FAT3: variants seen among roughly 807,000 people sequenced by gnomAD.
FAT3 encodes the protein protocadherin Fat 3.
FAT3 carries 95 observed loss-of-function variants against 310.2 expected under a neutral mutation model. The observed-to-expected ratio is 0.31, with a 90% CI of 0.26 to 0.36. The LOEUF is 0.36. Among genes scored for constraint, FAT3 ranks in the 10% least tolerant of loss-of-function variants. The pLI, the probability that FAT3 is intolerant of heterozygous loss-of-function variation, is 1.00. For synonymous variants in FAT3, 2,314 were observed against 2,192.9 expected (o/e 1.06, Z -1.54); for missense variants, 5,408 against 5,715.6 (o/e 0.95, Z 1.74).
chr11:92,544,214 T>A (rs1015131357), intron 3 of FAT3, among the ~76,000 whole-genome samples: 1 of 152,208 alleles, frequency 6.6e-6, no homozygotes, highest in Non-Finnish European at 1.5e-5. Flanking sequence ...GAAGCTGATA[T>A]CTTTTCAGAG....
intron 7 of FAT3, among the ~76,000 whole-genome samples, chr11:92,779,879 T>C (rs1408320582): frequency 6.6e-6 from 1 of 152,132 alleles, no homozygotes; most frequent in East Asian, 1.9e-4. Flanking sequence ...TCATTTCTAA[T>C]TTGAATATGA....
At chr11:92,239,952 C>A (rs958642182) in intron 1 of FAT3, among the ~76,000 whole-genome samples, 5 of 152,030 alleles carry the variant, frequency 3.3e-5, no homozygotes, top group African/African-American at 7.2e-5. Flanking sequence ...ATTTCATTGC[C>A]TGAAGTAGAT....
chr11:92,880,688 T>TA lies in FAT3; in HGVS notation c.12128-42dup, dbSNP rs547327586. ...ATAGCTGAGTCCAAGCACTCAGCCC[T>TA]AGCAGTGGCATCCATGGCTCATGAG... On this transcript the variant is annotated intron_variant, in intron 22 of 27. Transcript: ENST00000525166. 176 of 1,595,124 alleles carry TA rather than the reference T, an allele frequency of 1.1e-4. No individual in the cohort carries two copies. The African/African-American group carries it at 2.0e-3, about 19-fold the overall frequency.
chr11:92,882,646 C>T (rs1949698687), intron 23 of FAT3, 92 bp from the exon 24 acceptor site: 2 of 1,041,504 alleles, frequency 1.9e-6, no homozygotes, highest in Non-Finnish European at 2.5e-6. Context: ...GCATCGTTTT[C>T]TTTTAAAGAT....
intron 1 of FAT3, among the ~76,000 whole-genome samples, chr11:92,316,364 TG>T (rs1238547363): frequency 6.6e-6 from 1 of 152,190 alleles, no homozygotes; most frequent in African/African-American, 2.4e-5. Flanking sequence ...GTATAACTGT[TG>T]GTTGTTGAAG....
chr11:92,767,776 A>G (rs747250537), intron 6 of FAT3, among the ~76,000 whole-genome samples: 2 of 152,040 alleles, frequency 1.3e-5, no homozygotes, highest in African/African-American at 2.4e-5. Flanking sequence ...GTTAAGGCCC[A>G]TGTGTCCTCA....
In FAT3 at chr11:92,844,082, A is replaced by G; in HGVS notation, c.10715A>G (p.Lys3572Arg). 6.2e-7 allele frequency: 1 copy of G among 1,614,032 alleles called. No homozygotes were observed. Among genetic ancestry groups the G allele is most frequent in the Non-Finnish European group, 8.5e-7 (1 of 1,179,904 alleles). The change falls in exon 19 of 28, where the codon AAG (lysine) becomes AGG (arginine). Residue 3572 changes from lysine to arginine, a missense_variant. This residue lies in a region of FAT3 where 4,588 missense variants were observed against 4,809.8 expected (regional missense o/e 0.95). Coordinates refer to ENST00000525166, the MANE Select transcript of FAT3 (RefSeq NM_001367949.2). The stretch of plus-strand genomic sequence containing the variant: ...GACTTTCCTGGTGGGGTCATTGGGA[A>G]GATTCATGCCACAGATCAAGACATG... ...EDDFPGGVIG[K>R]IHATDQDMYD... is the part of the protein sequence containing the mutation.
chr11:92,354,140 G>A lies in FAT3; in HGVS notation c.2028G>A (p.Val676=). The change falls in exon 2 of 28, where the codon GTG becomes GTA. Residue 676 remains valine (V), a synonymous_variant. Transcript: ENST00000525166. The part of the protein sequence containing the change: ...SINISVLHGK[V]SSKSFSCRET... ...ACATTTCAGTCCTACATGGGAAAGT[G>A]TCTTCAAAGAGCTTCAGTTGCAGAG... is the stretch of plus-strand genomic sequence containing the variant. The A allele has an allele frequency of 6.2e-7, 1 of 1,613,846 alleles. No homozygotes were observed. The highest frequency in any genetic ancestry group is 1.1e-5 in the South Asian group (1 of 91,086).
intron 2 of FAT3, among the ~76,000 whole-genome samples, chr11:92,362,062 A>C (rs936966042): frequency 1.3e-5 from 2 of 152,024 alleles, no homozygotes; most frequent in Admixed American, 1.3e-4. Flanking sequence ...TTTTTTTTCT[A>C]TATCTGGTGT....
Position 92,774,026 on chromosome 11 carries a change from C to A in FAT3, c.4196-15C>A. The A allele has an allele frequency of 6.2e-7, 1 of 1,611,180 alleles. No homozygotes were observed. The highest frequency in any genetic ancestry group is 8.5e-7 in the Non-Finnish European group (1 of 1,178,880). ...TATCAGATTTGCTAATTTCATGTTT[C>A]TGTGAAATCATCAGGGGGGAATTTT... On this transcript the variant is annotated splice_polypyrimidine_tract_variant and intron_variant, in intron 6 of 27. Coordinates refer to ENST00000525166, the MANE Select transcript of FAT3 (RefSeq NM_001367949.2).
intron 2 of FAT3, among the ~76,000 whole-genome samples, chr11:92,453,060 C>T (rs185481751): frequency 1.0e-3 from 155 of 152,270 alleles, no homozygotes; most frequent in African/African-American, 3.6e-3. Flanking sequence ...AGGTGTGACC[C>T]TCTACACCTA....
intron 2 of FAT3, among the ~76,000 whole-genome samples, chr11:92,480,973 T>C (rs1256505878): frequency 6.6e-6 from 1 of 152,202 alleles, no homozygotes; most frequent in African/African-American, 2.4e-5. Context: ...CTTTTACTCA[T>C]TCATATAAAT....
chr11:92,410,384 G>C (rs1183284639), intron 2 of FAT3, among the ~76,000 whole-genome samples: 1 of 152,084 alleles, frequency 6.6e-6, no homozygotes, highest in East Asian at 1.9e-4. Context: ...TTCAAGTACA[G>C]TGGGGAGCGG....
chr11:92,814,006 G>T (rs1475275326), intron 13 of FAT3, among the ~76,000 whole-genome samples: 1 of 152,164 alleles, frequency 6.6e-6, no homozygotes, highest in African/African-American at 2.4e-5. Context: ...AGGCTTCAGG[G>T]AGCCTGTTCT....
chr11:92,624,134 A>T (rs764594173), intron 3 of FAT3, among the ~76,000 whole-genome samples: 1 of 152,174 alleles, frequency 6.6e-6, no homozygotes, highest in Non-Finnish European at 1.5e-5. Flanking sequence ...CATGCACACT[A>T]CTATGGGAGC....
chr11:92,837,931 G>T (rs1347601723), intron 17 of FAT3, 125 bp downstream of exon 17: 2 of 1,159,180 alleles, frequency 1.7e-6, no homozygotes, highest in Non-Finnish European at 2.5e-6. Flanking sequence ...CATAGGGCAG[G>T]TATGAAAAAG....
intron 3 of FAT3, among the ~76,000 whole-genome samples, chr11:92,550,350 G>C (rs1954767052): frequency 6.6e-6 from 1 of 152,174 alleles, no homozygotes; most frequent in Non-Finnish European, 1.5e-5. Flanking sequence ...TAAATGTTCA[G>C]TGATTAGAGT....
chr11:92,615,901 G>A (rs1194708760), intron 3 of FAT3, among the ~76,000 whole-genome samples: 10 of 152,276 alleles, frequency 6.6e-5, no homozygotes, highest in East Asian at 3.9e-4. Context: ...TTCCAACTAC[G>A]TGGTCAATTT....
At chr11:92,821,271 C>T (rs1222751146) in intron 13 of FAT3, among the ~76,000 whole-genome samples, 1 of 152,228 alleles carries the variant, frequency 6.6e-6, no homozygotes, top group Non-Finnish European at 1.5e-5. Context: ...AGATTATCAT[C>T]ACTTCAGCCT....
Sources: allele counts gnomAD v4.1 joint callset (sites outside exome capture counted in the v4.1 genomes callset), GRCh38; gene constraint gnomAD v4.1.1; regional missense constraint gnomAD v4.1.1; transcripts MANE v1.5; gene names NCBI Gene and HGNC (gene_info 2026-07-23, HGNC 2026-07-21).